The following ZMAT4 variants were observed in gnomAD, a reference collection of about 807,000 sequenced individuals.
ZMAT4 encodes zinc finger matrin-type 4, also known as zinc finger matrin-type protein 4.
A neutral mutation model predicts 28.7 loss-of-function variants in ZMAT4; 17 were observed. That is an observed-to-expected ratio of 0.59 (90% confidence interval 0.41 to 0.89). ZMAT4 has a LOEUF of 0.89. Among genes scored for constraint, ZMAT4 ranks in the 40% least tolerant of loss-of-function variants. The pLI is 0.00. For missense variants in ZMAT4, 240 were observed against 283.8 expected, an observed-to-expected ratio of 0.85 and a Z score of 1.11; for synonymous variants, 117 against 109.2, an observed-to-expected ratio of 1.07 and a Z score of -0.44.
chr8:40,700,406 CTTTTCTTTTTTTTT>C (rs1810088024), intron 3 of ZMAT4, among the ~76,000 whole-genome samples: 1 of 60,768 alleles, frequency 1.6e-5, no homozygotes, highest in South Asian at 7.2e-4. Flanking sequence ...GAAGCTGCTG[CTTTTCTTTTTTTTT>C]TTTTTTTTTT....
At chr8:40,847,968 T>C (rs188152242) in intron 1 of ZMAT4, among the ~76,000 whole-genome samples, 10 of 152,336 alleles carry the variant, frequency 6.6e-5, no homozygotes, top group Middle Eastern at 3.4e-3. Flanking sequence ...TAATTTTAAG[T>C]TCCAGGCTGT....
At chr8:40,823,050 T>G (rs1815888474) in intron 2 of ZMAT4, among the ~76,000 whole-genome samples, 1 of 152,126 alleles carries the variant, frequency 6.6e-6, no homozygotes, top group Non-Finnish European at 1.5e-5. Flanking sequence ...TTTAAACAAT[T>G]TTTCATTGTT....
chr8:40,598,567 T>C (rs966901555), intron 5 of ZMAT4, among the ~76,000 whole-genome samples: 1 of 152,210 alleles, frequency 6.6e-6, no homozygotes, highest in African/African-American at 2.4e-5. Context: ...AGCTGCATAG[T>C]ATTCCATGGT....
intron 3 of ZMAT4, among the ~76,000 whole-genome samples, chr8:40,716,804 A>T: frequency 6.6e-6 from 1 of 152,188 alleles, no homozygotes; most frequent in East Asian, 1.9e-4. Flanking sequence ...TCTAAAAGCA[A>T]GTCTCCTTGA....
chr8:40,875,961 C>T, intron 1 of ZMAT4, among the ~76,000 whole-genome samples: 1 of 152,114 alleles, frequency 6.6e-6, no homozygotes, highest in South Asian at 2.1e-4. Context: ...GGCTATTAAC[C>T]CACTAGACCA....
At chr8:40,639,195 G>GTT (rs1563379366) in intron 5 of ZMAT4, among the ~76,000 whole-genome samples, 123 of 152,254 alleles carry the variant, frequency 8.1e-4, no homozygotes, top group African/African-American at 2.5e-3. Context: ...CAGCTTTGCT[G>GTT]GTTTTTTTTA....
chr8:40,881,597 AG>A (rs2150664318), intron 1 of ZMAT4, among the ~76,000 whole-genome samples: 1 of 102,406 alleles, frequency 9.8e-6, no homozygotes, highest in Admixed American at 9.6e-5. Context: ...AAAGAAAGAA[AG>A]AAAAGAAAAG....
intron 5 of ZMAT4, among the ~76,000 whole-genome samples, chr8:40,586,715 C>T (rs565431871): frequency 1.3e-5 from 2 of 152,142 alleles, no homozygotes; most frequent in African/African-American, 4.8e-5. Flanking sequence ...ATCCATTCTA[C>T]ATTAGAGACA....
chr8:40,661,759 T>C (rs1585838992), intron 5 of ZMAT4, among the ~76,000 whole-genome samples: 1 of 152,172 alleles, frequency 6.6e-6, no homozygotes, highest in African/African-American at 2.4e-5. Context: ...AATGGATACG[T>C]CTTCCTAGAA....
At chr8:40,722,864 T>C (rs1455667803) in intron 3 of ZMAT4, among the ~76,000 whole-genome samples, 1 of 152,140 alleles carries the variant, frequency 6.6e-6, no homozygotes, top group South Asian at 2.1e-4. Context: ...AGCGTCCACA[T>C]GCATACTCAG....
intron 3 of ZMAT4, among the ~76,000 whole-genome samples, chr8:40,737,546 G>A (rs1811822268): frequency 2.0e-5 from 3 of 152,196 alleles, no homozygotes; most frequent in Non-Finnish European, 4.4e-5. Flanking sequence ...ATGCTCAAGA[G>A]CAGGTGAGAA....
intron 5 of ZMAT4, among the ~76,000 whole-genome samples, chr8:40,656,332 T>C (rs572866559): frequency 1.3e-5 from 2 of 152,284 alleles, no homozygotes; most frequent in South Asian, 4.1e-4. Flanking sequence ...GGAACACTTA[T>C]ACATTGCTGG....
At chr8:40,624,233 G>A (rs930557991) in intron 5 of ZMAT4, among the ~76,000 whole-genome samples, 1 of 152,160 alleles carries the variant, frequency 6.6e-6, no homozygotes, top group Non-Finnish European at 1.5e-5. Flanking sequence ...GGATAGAAAT[G>A]GTGGCCCTAT....
intron 2 of ZMAT4, among the ~76,000 whole-genome samples, chr8:40,773,426 A>C (rs1249230661): frequency 6.6e-6 from 1 of 152,228 alleles, no homozygotes; most frequent in Non-Finnish European, 1.5e-5. Flanking sequence ...AGATGTTGGA[A>C]AGATCCAAGG....
At chr8:40,870,259 G>A (rs994201885) in intron 1 of ZMAT4, among the ~76,000 whole-genome samples, 1 of 152,128 alleles carries the variant, frequency 6.6e-6, no homozygotes, top group South Asian at 2.1e-4. Context: ...CCAGTGGCTG[G>A]TTGTGGCCTC....
intron 4 of ZMAT4, among the ~76,000 whole-genome samples, chr8:40,685,452 G>T (rs932367739): frequency 6.6e-6 from 1 of 152,136 alleles, no homozygotes; most frequent in Admixed American, 6.5e-5. Context: ...CCCTAGGGGA[G>T]CAGAAGCCTA....
intron 3 of ZMAT4, among the ~76,000 whole-genome samples, chr8:40,720,968 TTTTG>T (rs147563284): frequency 0.3 from 45,375 of 151,418 alleles, 7,244 homozygotes; most frequent in Non-Finnish European, 0.37. Flanking sequence ...TTTATTTGTG[TTTTG>T]TTTGTTTGTT....
intron 6 of ZMAT4, among the ~76,000 whole-genome samples, chr8:40,537,266 G>T (rs1364349232): frequency 6.6e-6 from 1 of 152,114 alleles, no homozygotes; most frequent in Non-Finnish European, 1.5e-5. Flanking sequence ...GTAGAATGGG[G>T]TTCAGTTGAC....
chr8:40,652,135 G>T (rs2118821356), intron 5 of ZMAT4, among the ~76,000 whole-genome samples: 1 of 113,374 alleles, frequency 8.8e-6, no homozygotes, highest in Admixed American at 9.1e-5. Context: ...TACCATCAGA[G>T]TGAACAGGCA....
Sources: gnomAD v4.1 joint callset for allele counts (sites outside exome capture counted in the v4.1 genomes callset) on GRCh38, gnomAD v4.1.1 for gene constraint, MANE v1.5 for transcripts, NCBI Gene and HGNC (gene_info 2026-07-23, HGNC 2026-07-21) for gene names.